FRMPD4: variants seen among roughly 807,000 people sequenced by gnomAD.
FRMPD4 encodes FERM and PDZ domain containing 4, also known as FERM and PDZ domain-containing protein 4.
FRMPD4 carries 22 observed loss-of-function variants against 94.1 expected under a neutral mutation model. The observed-to-expected ratio is 0.23, with a 90% CI of 0.17 to 0.33. FRMPD4 has a LOEUF of 0.33. Among genes scored for constraint, FRMPD4 ranks in the 10% least tolerant of loss-of-function variants. FRMPD4 has a pLI of 1.00. For synonymous variants in FRMPD4, 631 were observed against 548.6 expected, an observed-to-expected ratio of 1.15 and a Z score of -2.10; for missense variants, 1,111 against 1,339.9, an observed-to-expected ratio of 0.83 and a Z score of 2.67.
At chrX:11,839,200 C>A (rs753308725) in intron 1 of FRMPD4, among the ~76,000 whole-genome samples, 1 of 110,192 alleles carries the variant, frequency 9.1e-6, no homozygotes, top group East Asian at 2.8e-4. Flanking sequence ...AATAGCTGTA[C>A]CATTTTACAT....
intron 3 of FRMPD4, among the ~76,000 whole-genome samples, chrX:11,914,301 T>C (rs1252479031): frequency 9.4e-6 from 1 of 106,510 alleles, no homozygotes; most frequent in African/African-American, 3.5e-5. Flanking sequence ...CTTTTTTTTT[T>C]TTTTTTGAAA....
chrX:12,130,135 A>AGAGAGAGAGAGAGAG (rs778286325), intron 3 of FRMPD4, among the ~76,000 whole-genome samples: 1 of 103,655 alleles, frequency 9.6e-6, no homozygotes, highest in Non-Finnish European at 2.0e-5. Flanking sequence ...AGAGAGAGAG[A>AGAGAGAGAGAGAGAG]AGGTGGAGGC....
intron 2 of FRMPD4, among the ~76,000 whole-genome samples, chrX:12,607,141 C>T (rs1898647): frequency 0.073 from 8,104 of 111,009 alleles, 762 homozygotes; most frequent in African/African-American, 0.25. Context: ...CTACCCTGGT[C>T]ACTGGGGCTC....
intron 3 of FRMPD4, among the ~76,000 whole-genome samples, chrX:12,042,531 G>A (rs2054761726): frequency 9.0e-6 from 1 of 111,269 alleles, no homozygotes; most frequent in Non-Finnish European, 1.9e-5. Context: ...TAATTGGGTA[G>A]AGGTTTTGCT....
intron 3 of FRMPD4, among the ~76,000 whole-genome samples, chrX:12,011,027 A>G (rs967683118): frequency 4.4e-5 from 5 of 112,384 alleles, no homozygotes; most frequent in African/African-American, 6.5e-5. Flanking sequence ...AGACAGGAAA[A>G]CCATATATAG....
chrX:12,421,092 A>G (rs1601924803), intron 1 of FRMPD4, among the ~76,000 whole-genome samples: 1 of 111,988 alleles, frequency 8.9e-6, no homozygotes, highest in South Asian at 3.8e-4. Context: ...ATGAAAGACT[A>G]TCTGCGTCCT....
chrX:12,454,483 C>A (rs745596410), intron 1 of FRMPD4, among the ~76,000 whole-genome samples: 1 of 110,597 alleles, frequency 9.0e-6, no homozygotes, highest in South Asian at 3.8e-4. Flanking sequence ...AGAATAACCA[C>A]GTGATCGTGG....
chrX:12,189,072 A>G (rs1436213121), intron 1 of FRMPD4, among the ~76,000 whole-genome samples: 4 of 111,507 alleles, frequency 3.6e-5, no homozygotes. Flanking sequence ...GAGAGAAGAC[A>G]TGAATTACTA....
chrX:11,843,733 T>A (rs1336099639), intron 1 of FRMPD4, among the ~76,000 whole-genome samples: 1 of 109,683 alleles, frequency 9.1e-6, no homozygotes, highest in Non-Finnish European at 1.9e-5. Context: ...TATTTTTTAT[T>A]TTTTTGTGGG....
intron 3 of FRMPD4, among the ~76,000 whole-genome samples, chrX:12,052,718 A>C (rs2054825049): frequency 8.9e-6 from 1 of 111,919 alleles, no homozygotes; most frequent in Non-Finnish European, 1.9e-5. Flanking sequence ...CAAAAAAAAA[A>C]GTTTGACTAT....
In FRMPD4 at chrX:12,158,334, T is replaced by C. The variant is rs773302344; in HGVS notation, c.41+19322T>C. 1.7e-4 allele frequency among the ~76,000 whole-genome samples: 19 copies of C among 112,171 alleles called. No individual in the cohort carries two copies. The East Asian group carries it at 4.7e-3, about 28-fold the overall frequency. ...GAGTACAATTGACACTGTAGACACATTGGATCTTTGAGTCTCTAAAGTACC... is the reference window on the plus strand; with the variant it reads ...GAGTACAATTGACACTGTAGACACACTGGATCTTTGAGTCTCTAAAGTACC... On this transcript the variant is annotated intron_variant, in intron 1 of 16. Transcript: ENST00000675598.
At chrX:12,014,203 A>T (rs1185632133) in intron 3 of FRMPD4, among the ~76,000 whole-genome samples, 1 of 111,210 alleles carries the variant, frequency 9.0e-6, no homozygotes, top group East Asian at 2.8e-4. Flanking sequence ...ACTGCTGATA[A>T]TAGACAGCAA....
intron 1 of FRMPD4, among the ~76,000 whole-genome samples, chrX:12,241,219 T>A (rs936421244): frequency 8.9e-6 from 1 of 111,948 alleles, no homozygotes; most frequent in African/African-American, 3.2e-5. Context: ...TTCCAAAGAT[T>A]TATCTGTTTT....
intron 14 of FRMPD4, 134 bp downstream of exon 14, chrX:12,710,671 G>C (rs377590140): frequency 4.0e-6 from 2 of 505,325 alleles, no homozygotes; most frequent in African/African-American, 4.7e-5. Context: ...ACTTTGGGAG[G>C]CCAAGGCAGG....
chrX:12,350,393 C>G (rs1048564548), intron 1 of FRMPD4, among the ~76,000 whole-genome samples: 7 of 111,412 alleles, frequency 6.3e-5, no homozygotes, highest in Non-Finnish European at 1.3e-4. Flanking sequence ...AAGTGCAAAA[C>G]TTCTGGCCTG....
At chrX:12,574,583 C>T (rs2058791565) in intron 2 of FRMPD4, among the ~76,000 whole-genome samples, 1 of 110,946 alleles carries the variant, frequency 9.0e-6, no homozygotes, top group Non-Finnish European at 1.9e-5. Flanking sequence ...CTGCAACCTC[C>T]ACCTCCCAGA....
At chrX:12,326,532 G>A (rs2055291097) in intron 1 of FRMPD4, among the ~76,000 whole-genome samples, 1 of 111,739 alleles carries the variant, frequency 8.9e-6, no homozygotes, top group African/African-American at 3.3e-5. Flanking sequence ...GTACACAGGG[G>A]GATAAAACTG....
intron 1 of FRMPD4, among the ~76,000 whole-genome samples, chrX:12,229,707 C>T (rs1271642993): frequency 8.9e-6 from 1 of 111,933 alleles, no homozygotes; most frequent in Non-Finnish European, 1.9e-5. Context: ...TCTCACCCAT[C>T]TTGAAAAGAT....
chrX:11,860,504 A>G (rs1031424369), intron 1 of FRMPD4, among the ~76,000 whole-genome samples: 2 of 112,048 alleles, frequency 1.8e-5, no homozygotes, highest in Admixed American at 9.5e-5. Context: ...GCTTAGATAT[A>G]CTTAGTTTTT....
Sources: allele counts gnomAD v4.1 joint callset (sites outside exome capture counted in the v4.1 genomes callset), GRCh38; gene constraint gnomAD v4.1.1; transcripts MANE v1.5; gene names NCBI Gene and HGNC (gene_info 2026-07-23, HGNC 2026-07-21).